TMEM132D: variants seen among roughly 807,000 people sequenced by gnomAD.
TMEM132D encodes the protein transmembrane protein 132D.
A neutral mutation model predicts 62.3 loss-of-function variants in TMEM132D; 21 were observed. The observed-to-expected ratio is 0.34, with a 90% CI of 0.24 to 0.49. The LOEUF is 0.49. Ranked by LOEUF, TMEM132D falls within the 20% of genes least tolerant of loss-of-function variation. TMEM132D has a pLI of 0.99. For synonymous variants in TMEM132D, 621 were observed against 575.6 expected, an observed-to-expected ratio of 1.08 and a Z score of -1.13; for missense variants, 1,346 against 1,402.8, an observed-to-expected ratio of 0.96 and a Z score of 0.65.
chr12:129,457,913 C>T lies in TMEM132D; in HGVS notation c.1115+73146G>A, dbSNP rs552574448. Among the ~76,000 whole-genome samples the T allele has an allele frequency of 4.6e-5, 7 of 152,290 alleles. No individual in the cohort carries two copies. The South Asian group carries it at 1.5e-3, about 32-fold the overall frequency. On this transcript the variant is annotated intron_variant, in intron 3 of 8. Transcript: ENST00000422113. Reference sequence around the variant, plus strand: ...ATTTGACATGAGATTGGGGTGGGGACACGGATCCAAACCATATCAGGCATG... The same window carrying T: ...ATTTGACATGAGATTGGGGTGGGGATACGGATCCAAACCATATCAGGCATG...
At chr12:129,479,798 G>C (rs1219022866) in intron 3 of TMEM132D, among the ~76,000 whole-genome samples, 32 of 127,852 alleles carry the variant, frequency 2.5e-4, no homozygotes, top group African/African-American at 4.7e-4. Flanking sequence ...AGTTCTCACT[G>C]TGTCCTAGAG....
At chr12:129,608,860 C>T (rs1436903281) in intron 2 of TMEM132D, among the ~76,000 whole-genome samples, 1 of 152,104 alleles carries the variant, frequency 6.6e-6, no homozygotes, top group Non-Finnish European at 1.5e-5. Context: ...GCCTGGTGGC[C>T]TTGTTCAAAT....
chr12:129,273,372 C>T (rs1471879705), intron 4 of TMEM132D, among the ~76,000 whole-genome samples: 1 of 149,676 alleles, frequency 6.7e-6, no homozygotes, highest in Non-Finnish European at 1.5e-5. Context: ...TAAAACAGAA[C>T]TACCACTTGC....
At chr12:129,840,362 C>T (rs1411575778) in intron 1 of TMEM132D, 2 of 152,134 alleles carry the variant, frequency 1.3e-5, no homozygotes, top group African/African-American at 2.4e-5. Flanking sequence ...TCTGAGGAGT[C>T]ATGCCAAGTC....
chr12:129,576,268 G>C (rs1406246034), intron 2 of TMEM132D, among the ~76,000 whole-genome samples: 1 of 151,834 alleles, frequency 6.6e-6, no homozygotes, highest in Non-Finnish European at 1.5e-5. Context: ...TTCTTCTTAA[G>C]TGTTGCTTGG....
intron 5 of TMEM132D, among the ~76,000 whole-genome samples, chr12:129,174,039 C>A (rs1297119606): frequency 6.6e-6 from 1 of 152,164 alleles, no homozygotes; most frequent in African/African-American, 2.4e-5. Context: ...CAAACGTAGC[C>A]TGGTTACATA....
chr12:129,654,634 G>A (rs565131603), intron 2 of TMEM132D, among the ~76,000 whole-genome samples: 5 of 152,234 alleles, frequency 3.3e-5, no homozygotes, highest in East Asian at 1.9e-4. Context: ...GCTTTGTGAC[G>A]CTAGGTCACT....
intron 1 of TMEM132D, among the ~76,000 whole-genome samples, chr12:129,773,810 G>T (rs1221398535): frequency 6.6e-6 from 1 of 152,142 alleles, no homozygotes; most frequent in Admixed American, 6.5e-5. Context: ...AGAACACGGG[G>T]CCTCACCAAG....
At chr12:129,238,100 C>T (rs1283024175) in intron 4 of TMEM132D, among the ~76,000 whole-genome samples, 3 of 152,136 alleles carry the variant, frequency 2.0e-5, no homozygotes, top group Admixed American at 1.3e-4. Flanking sequence ...TCTGTCTCTT[C>T]CCCTGTCCTA....
chr12:129,813,105 T>C (rs1296760265), intron 1 of TMEM132D, among the ~76,000 whole-genome samples: 4 of 151,798 alleles, frequency 2.6e-5, no homozygotes, highest in African/African-American at 9.7e-5. Context: ...ATTTCCTCCT[T>C]TCTCCCACTT....
At chr12:129,384,866 G>T (rs1240254594) in intron 3 of TMEM132D, among the ~76,000 whole-genome samples, 1 of 152,060 alleles carries the variant, frequency 6.6e-6, no homozygotes, top group African/African-American at 2.4e-5. Flanking sequence ...TGTAGTTTAA[G>T]AATTTCTAGT....
rs1346190271 is a variant in TMEM132D at position 129,903,283 on chromosome 12, G to A, written c.57C>T (p.Ser19=). Residue 19 remains serine, a synonymous_variant, in exon 1 of 9, where the codon AGC becomes AGT. Transcript: ENST00000422113. The surrounding 1 kb of genome is among the most constrained non-coding windows in gnomAD (Gnocchi z 6.2). The part of the protein sequence containing the change: ...LWHHWSPVLI[S]LAALFSKVTE... The stretch of plus-strand genomic sequence containing the variant: ...CACCTTTGGAAAACAGGGCGGCCAG[G>A]CTGATGAGTACCGGCGACCAGTGGT... The A allele has an allele frequency of 6.4e-7, 1 of 1,554,168 alleles. No homozygotes were observed. The highest frequency in any genetic ancestry group is 8.7e-7 in the Non-Finnish European group (1 of 1,148,490).
intron 5 of TMEM132D, among the ~76,000 whole-genome samples, chr12:129,120,824 G>A (rs924099242): frequency 2.6e-5 from 4 of 152,164 alleles, no homozygotes; most frequent in African/African-American, 9.6e-5. Context: ...TACACACAGT[G>A]CAGTTCATTT....
intron 5 of TMEM132D, among the ~76,000 whole-genome samples, chr12:129,140,334 A>G (rs1325072329): frequency 6.6e-6 from 1 of 152,032 alleles, no homozygotes; most frequent in East Asian, 1.9e-4. Context: ...CATGTTGCAC[A>G]CCTTAAAGAT....
chr12:129,640,390 TG>T (rs1879612407), intron 2 of TMEM132D, among the ~76,000 whole-genome samples: 1 of 152,232 alleles, frequency 6.6e-6, no homozygotes, highest in Non-Finnish European at 1.5e-5. Context: ...GCCATAAGAA[TG>T]GGATGCTTCT....
rs1009570321 is a variant in TMEM132D at position 129,371,431 on chromosome 12, T to G, written c.1116-33614A>C. 2.0e-5 allele frequency among the ~76,000 whole-genome samples: 3 copies of G among 150,894 alleles called. No individual in the cohort carries two copies. The highest frequency in any genetic ancestry group is 7.4e-5 in the African/African-American group (3 of 40,672). On this transcript the variant is annotated intron_variant, in intron 3 of 8. Coordinates refer to ENST00000422113, the MANE Select transcript of TMEM132D (RefSeq NM_133448.3). This position sits in a 1 kb window ranked among gnomAD's most constrained non-coding sequence, Gnocchi z 4.3. ...ATGATGATGATGGTGATAATGGAGA[T>G]GATGATGATGTGATATTGATGATGG...
At chr12:129,850,279 T>A (rs1010706381) in intron 1 of TMEM132D, among the ~76,000 whole-genome samples, 4 of 152,124 alleles carry the variant, frequency 2.6e-5, no homozygotes, top group Non-Finnish European at 5.9e-5. Flanking sequence ...TTCTTCCCAG[T>A]TCTGGGTGGA....
chr12:129,484,345 AC>A (rs1395302496), intron 3 of TMEM132D, among the ~76,000 whole-genome samples: 1 of 152,180 alleles, frequency 6.6e-6, no homozygotes, highest in Non-Finnish European at 1.5e-5. Flanking sequence ...CTTCACCTGG[AC>A]CAAAAACTTG....
chr12:129,668,061 GC>G (rs1880418453), intron 2 of TMEM132D, among the ~76,000 whole-genome samples: 1 of 151,320 alleles, frequency 6.6e-6, no homozygotes, highest in Non-Finnish European at 1.5e-5. Flanking sequence ...CTCTTTAAAT[GC>G]AGGATTCTAA....
Sources: gnomAD v4.1 joint callset for allele counts (sites outside exome capture counted in the v4.1 genomes callset) on GRCh38, gnomAD v4.1.1 for gene constraint, Gnocchi (gnomAD v3.1) non-coding constraint, MANE v1.5 for transcripts, NCBI Gene and HGNC (gene_info 2026-07-23, HGNC 2026-07-21) for gene names.